Variants in IHO1 observed in about 807,000 individuals in gnomAD.
IHO1 encodes interactor of HORMAD1 protein 1.
Under a neutral mutation model 31.0 loss-of-function variants are expected in IHO1, and 13 were observed. That is an observed-to-expected ratio of 0.42 (90% confidence interval 0.27 to 0.67). The LOEUF (loss-of-function observed/expected upper bound fraction) is 0.67. IHO1 is among the 30% of genes least tolerant of loss of function. IHO1 has a pLI of 0.24. For missense variants in IHO1, 599 were observed against 687.5 expected, an observed-to-expected ratio of 0.87 and a Z score of 1.44; for synonymous variants, 221 against 248.4, an observed-to-expected ratio of 0.89 and a Z score of 1.04.
At chr3:49,228,990 G>T (rs2046450371) in intron 2 of IHO1, among the ~76,000 whole-genome samples, 1 of 152,112 alleles carries the variant, frequency 6.6e-6, no homozygotes, top group South Asian at 2.1e-4. Flanking sequence ...ATTTTACAGA[G>T]TGCTGATTGG....
chr3:49,218,956 G>A (rs912939700), intron 2 of IHO1, among the ~76,000 whole-genome samples: 4 of 152,212 alleles, frequency 2.6e-5, no homozygotes, highest in Admixed American at 6.5e-5. Context: ...AGAGGTTGCA[G>A]TGAGATGGGA....
At chr3:49,200,736 A>G (rs2046059722) in intron 1 of IHO1, among the ~76,000 whole-genome samples, 2 of 151,990 alleles carry the variant, frequency 1.3e-5, no homozygotes, top group African/African-American at 4.8e-5. Flanking sequence ...GAAAGTTTTT[A>G]ATCTGTGCAT....
intron 2 of IHO1, among the ~76,000 whole-genome samples, chr3:49,223,005 C>A (rs1453353975): frequency 1.3e-5 from 2 of 152,176 alleles, no homozygotes; most frequent in African/African-American, 4.8e-5. Context: ...AACACTAGAT[C>A]TCCTGGTTGA....
At chr3:49,216,563 C>T (rs1022786174) in intron 2 of IHO1, among the ~76,000 whole-genome samples, 25 of 152,160 alleles carry the variant, frequency 1.6e-4, no homozygotes, top group Non-Finnish European at 3.7e-4. Flanking sequence ...CTAGGCAATA[C>T]CATTCAGGAC....
At chr3:49,249,539 A>G (rs949112481) in intron 6 of IHO1, among the ~76,000 whole-genome samples, 4 of 152,186 alleles carry the variant, frequency 2.6e-5, no homozygotes, top group Non-Finnish European at 5.9e-5. Flanking sequence ...AAGTGCTGAG[A>G]TTATAGGTGT....
the IHO1 span, chr3:49,192,007 G>C: frequency 1.7e-6 from 1 of 587,146 alleles, no homozygotes; most frequent in Non-Finnish European, 3.0e-6. Context: ...AGCCTGAAGA[G>C]CCCTTATATA....
At chr3:49,213,272 G>A (rs1173191256) in intron 2 of IHO1, among the ~76,000 whole-genome samples, 1 of 152,088 alleles carries the variant, frequency 6.6e-6, no homozygotes, top group Non-Finnish European at 1.5e-5. Flanking sequence ...TAGGCACAGA[G>A]TGCTGATTGT....
At chr3:49,247,938 A>G (rs1050666041) in intron 6 of IHO1, among the ~76,000 whole-genome samples, 10 of 151,320 alleles carry the variant, frequency 6.6e-5, no homozygotes, top group Non-Finnish European at 1.5e-4. Flanking sequence ...CAGTCTGTCC[A>G]ACATGGTGAA....
the IHO1 span, chr3:49,191,883 G>T: frequency 1.0e-6 from 1 of 975,210 alleles, no homozygotes; most frequent in Non-Finnish European, 1.6e-6. Flanking sequence ...ACAAGGGAAG[G>T]TTGTGACTGC....
At chr3:49,234,064 ACT>A (rs907191622) in intron 2 of IHO1, among the ~76,000 whole-genome samples, 2 of 151,426 alleles carry the variant, frequency 1.3e-5, no homozygotes, top group South Asian at 2.1e-4. Flanking sequence ...TGTGGGTCAA[ACT>A]CTGTTCGGGG....
intron 2 of IHO1, among the ~76,000 whole-genome samples, chr3:49,222,642 G>A (rs1204943194): frequency 6.6e-6 from 1 of 152,166 alleles, no homozygotes; most frequent in Non-Finnish European, 1.5e-5. Context: ...AAGGGGCAAG[G>A]AGAGGTATTA....
chr3:49,252,754 G>A (rs559820911), intron 6 of IHO1, among the ~76,000 whole-genome samples: 27 of 152,046 alleles, frequency 1.8e-4, no homozygotes, highest in African/African-American at 6.0e-4. Context: ...CTTCTAGACT[G>A]TAGAATTCGG....
chr3:49,211,199 G>T (rs968421251), intron 1 of IHO1, among the ~76,000 whole-genome samples: 2 of 141,366 alleles, frequency 1.4e-5, no homozygotes, highest in African/African-American at 5.2e-5. Flanking sequence ...TAGTAGAGAC[G>T]GGGTTTCACC....
At chr3:49,238,087 T>C (rs1370170851) in intron 3 of IHO1, among the ~76,000 whole-genome samples, 1 of 151,770 alleles carries the variant, frequency 6.6e-6, no homozygotes, top group Non-Finnish European at 1.5e-5. Context: ...GCGTTTTTAG[T>C]AGAGACAGTG....
intron 2 of IHO1, among the ~76,000 whole-genome samples, chr3:49,213,174 A>G (rs922609401): frequency 6.6e-6 from 1 of 151,766 alleles, no homozygotes; most frequent in Non-Finnish European, 1.5e-5. Flanking sequence ...TGTATTTACA[A>G]TCCCTTAGCT....
chr3:49,229,598 T>C (rs1210228181), intron 2 of IHO1, among the ~76,000 whole-genome samples: 1 of 152,182 alleles, frequency 6.6e-6, no homozygotes. Context: ...GTGAATCAAA[T>C]TACTGATAAA....
At chr3:49,206,861 A>ATGGTGAAAAGAC (rs2107681837) in intron 1 of IHO1, among the ~76,000 whole-genome samples, 1 of 152,112 alleles carries the variant, frequency 6.6e-6, no homozygotes, top group African/African-American at 2.4e-5. Flanking sequence ...CAGCCTGGCC[A>ATGGTGAAAAGAC]ACATGGTGAA....
rs1341717468 is a variant in IHO1, at chr3:49,256,994, T to G, written c.1497T>G (p.Pro499=). 6.2e-7 allele frequency: 1 copy of G among 1,614,074 alleles called. No homozygotes were observed. Among genetic ancestry groups the G allele is most frequent in the Non-Finnish European group, 8.5e-7 (1 of 1,180,028 alleles). The stretch of plus-strand genomic sequence containing the variant: ...GGCAGCAGGAACCCCGTGCTCAGCC[T>G]CTGCATCTGCAGTGTCCCAGGAGCC... The part of the protein sequence containing the change: ...FLGQQEPRAQ[P]LHLQCPRSPR... Residue 499 remains proline, a synonymous_variant, in exon 8 of 8, where the codon CCT becomes CCG. Coordinates refer to ENST00000452691, the MANE Select transcript of IHO1 (RefSeq NM_001135197.2). The surrounding 1 kb of genome is among the most constrained non-coding windows in gnomAD (Gnocchi z 4.6).
chr3:49,195,936 T>C (rs1384682732), upstream of IHO1, among the ~76,000 whole-genome samples: 2 of 134,562 alleles, frequency 1.5e-5, no homozygotes, highest in Non-Finnish European at 3.2e-5. Flanking sequence ...CCATCTCTAC[T>C]AAAAAAAAAA....
Sources: allele counts gnomAD v4.1 joint callset (sites outside exome capture counted in the v4.1 genomes callset), GRCh38; gene constraint gnomAD v4.1.1; non-coding constraint Gnocchi (gnomAD v3.1); transcripts MANE v1.5; gene names NCBI Gene and HGNC (gene_info 2026-07-23, HGNC 2026-07-21).